CECR2: variants seen among roughly 807,000 people sequenced by gnomAD.
The protein encoded by CECR2 is chromatin remodeling regulator CECR2.
Under a neutral mutation model 154.5 loss-of-function variants are expected in CECR2, and 30 were observed. The observed-to-expected ratio is 0.19, with a 90% CI of 0.15 to 0.26. CECR2 has a LOEUF of 0.26. Among genes scored for constraint, CECR2 ranks in the 10% least tolerant of loss-of-function variants. The probability of loss-of-function intolerance (pLI) is 1.00; values close to 1 mark genes in which losing one functional copy is unlikely to be tolerated. For synonymous variants in CECR2, 725 were observed against 683.7 expected (o/e 1.06, Z -0.94); for missense variants, 1,743 against 1,829.3 (o/e 0.95, Z 0.86).
intron 1 of CECR2, among the ~76,000 whole-genome samples, chr22:17,455,212 A>G (rs2054834540): frequency 6.6e-6 from 1 of 152,266 alleles, no homozygotes; most frequent in Admixed American, 6.5e-5. Flanking sequence ...GCCAGGGCAA[A>G]TAATTAGGCT....
rs766096565 is a variant in CECR2 at position 17,477,590 on chromosome 22, G to T, written c.129G>T (p.Glu43Asp). Reference protein sequence around the residue: ...AFRLPDFEIEELEAALHRDDV... With the variant: ...AFRLPDFEIEDLEAALHRDDV... ...ACTTCCCTCTCTCCCTCCCTCAGGA[G>T]TTAGAAGCCGCTCTTCACAGAGATG... Residue 43 changes from glutamate (E) to aspartate (D), a missense_variant and splice_region_variant, in exon 2 of 19, where the codon GAG becomes GAT. Glu to Asp is a conservative substitution (Grantham distance 45). Coordinates refer to ENST00000262608, the MANE Select transcript of CECR2 (RefSeq NM_001290047.2). 16 of 1,609,258 alleles carry T rather than the reference G, an allele frequency of 9.9e-6. No homozygotes were observed. Among genetic ancestry groups the T allele is most frequent in the Non-Finnish European group, 1.4e-5 (16 of 1,175,980 alleles).
In CECR2 at chr22:17,542,417, TATGTATCGA is replaced by T. The variant is rs753305813; in HGVS notation, c.2275_2283del (p.Met759_Arg761del). ...AAAGCTCAGAAATTCCTCCCAGCCA[TATGTATCGA>T]TCGTACAAGTACCTGAATCGAGTAC... On this transcript the variant is annotated inframe_deletion, in exon 16 of 19. Coordinates refer to ENST00000262608, the MANE Select transcript of CECR2 (RefSeq NM_001290047.2). 1 of 1,613,914 alleles carries T rather than the reference TATGTATCGA, an allele frequency of 6.2e-7. No individual in the cohort carries two copies.
At chr22:17,474,168 C>T (rs1243622058) in intron 1 of CECR2, among the ~76,000 whole-genome samples, 2 of 152,148 alleles carry the variant, frequency 1.3e-5, no homozygotes, top group Non-Finnish European at 2.9e-5. Flanking sequence ...TGCTGAGCTC[C>T]AGGGGTAAGT....
intron 6 of CECR2, 50 bp from the exon 7 acceptor site, chr22:17,504,797 A>G (rs1239981893): frequency 1.8e-5 from 27 of 1,512,960 alleles, no homozygotes; most frequent in Non-Finnish European, 2.4e-5. Flanking sequence ...ATAAATAAGG[A>G]AAGGTCCTCA....
intron 1 of CECR2, among the ~76,000 whole-genome samples, chr22:17,360,272 G>A (rs1239852048): frequency 1.3e-5 from 2 of 152,232 alleles, no homozygotes; most frequent in Non-Finnish European, 2.9e-5. Context: ...GCTGTTACCG[G>A]AGGATCCCTT....
intron 1 of CECR2, among the ~76,000 whole-genome samples, chr22:17,461,353 T>G (rs1341100957): frequency 6.6e-6 from 1 of 152,274 alleles, no homozygotes; most frequent in Admixed American, 6.5e-5. Flanking sequence ...TTAAATATTC[T>G]GTTTGTGAGA....
intron 1 of CECR2, among the ~76,000 whole-genome samples, chr22:17,440,320 A>G (rs980412312): frequency 2.6e-5 from 4 of 152,166 alleles, no homozygotes; most frequent in Non-Finnish European, 5.9e-5. Context: ...GATTTGTCAG[A>G]GGGCTTCCTA....
chr22:17,364,621 G>T (rs1435050276), upstream of CECR2, among the ~76,000 whole-genome samples: 1 of 152,048 alleles, frequency 6.6e-6, no homozygotes. Flanking sequence ...CGAGGTGGGT[G>T]GATCACAAGG....
intron 9 of CECR2, among the ~76,000 whole-genome samples, chr22:17,536,282 G>A (rs962400638): frequency 6.6e-6 from 1 of 152,068 alleles, no homozygotes; most frequent in Non-Finnish European, 1.5e-5. Context: ...GAAAATAGAG[G>A]CTCTTGCTGG....
intron 1 of CECR2, among the ~76,000 whole-genome samples, chr22:17,443,327 C>T (rs1406749397): frequency 1.3e-5 from 2 of 152,108 alleles, no homozygotes; most frequent in Non-Finnish European, 2.9e-5. Flanking sequence ...TTCTGTTTGG[C>T]TGTAACTTGT....
At chr22:17,481,223 G>T (rs1192923488) in intron 2 of CECR2, among the ~76,000 whole-genome samples, 4 of 149,346 alleles carry the variant, frequency 2.7e-5, no homozygotes, top group Non-Finnish European at 5.9e-5. Context: ...GGCGCCTGTA[G>T]TCCCAGCTAC....
intron 16 of CECR2, among the ~76,000 whole-genome samples, chr22:17,544,991 T>C (rs952987145): frequency 2.0e-5 from 3 of 152,000 alleles, no homozygotes; most frequent in South Asian, 2.1e-4. Flanking sequence ...TTGAAAGTTA[T>C]CAAGTGAATT....
chr22:17,369,085 G>C (rs1162157101), upstream of CECR2, among the ~76,000 whole-genome samples: 5 of 152,122 alleles, frequency 3.3e-5, no homozygotes, highest in African/African-American at 1.2e-4. Flanking sequence ...ACACGTGCAC[G>C]TTTCTGTCTC....
At chr22:17,447,033 C>CT (rs1555910503) in intron 1 of CECR2, among the ~76,000 whole-genome samples, 9,996 of 114,054 alleles carry the variant, frequency 0.088, 814 homozygotes, top group Non-Finnish European at 0.1. Context: ...CGTTTACAAT[C>CT]TTTTTTTTTT....
chr22:17,449,583 A>G (rs531936085), intron 1 of CECR2, among the ~76,000 whole-genome samples: 28 of 130,884 alleles, frequency 2.1e-4, no homozygotes, highest in Admixed American at 5.0e-4. Context: ...TCTGCCTCCC[A>G]GGTTCACGCC....
intron 1 of CECR2, among the ~76,000 whole-genome samples, chr22:17,421,698 CAGA>C (rs1305990955): frequency 1.4e-5 from 2 of 145,298 alleles, no homozygotes; most frequent in African/African-American, 5.1e-5. Flanking sequence ...GAGGCTGAGG[CAGA>C]AGAATTGCTT....
At chr22:17,417,017 T>A (rs1002882862) in intron 1 of CECR2, among the ~76,000 whole-genome samples, 48 of 120,100 alleles carry the variant, frequency 4.0e-4, no homozygotes, top group African/African-American at 1.7e-3. Context: ...CATTGTCAGA[T>A]TCTTTTTTTT....
At chr22:17,487,437 T>A (rs925209423) in intron 2 of CECR2, among the ~76,000 whole-genome samples, 5 of 152,196 alleles carry the variant, frequency 3.3e-5, no homozygotes, top group African/African-American at 1.2e-4. Context: ...CGGTGGCTCA[T>A]GCCTGTAATC....
chr22:17,366,326 T>C (rs1316445238), upstream of CECR2, among the ~76,000 whole-genome samples: 1 of 152,140 alleles, frequency 6.6e-6, no homozygotes, highest in Non-Finnish European at 1.5e-5. Context: ...TAGCTGGGAG[T>C]ACAGGGGCGT....
Sources: gnomAD v4.1 joint callset for allele counts (sites outside exome capture counted in the v4.1 genomes callset) on GRCh38, gnomAD v4.1.1 for gene constraint, MANE v1.5 for transcripts, NCBI Gene and HGNC (gene_info 2026-07-23, HGNC 2026-07-21) for gene names.